PRKD1: variants seen among roughly 807,000 people sequenced by gnomAD.
PRKD1 encodes the protein serine/threonine-protein kinase D1.
In PRKD1, 63 loss-of-function variants were observed where a neutral mutation model predicts 95.9. That is an observed-to-expected ratio of 0.66 (90% CI 0.54 to 0.81). The LOEUF (loss-of-function observed/expected upper bound fraction) is 0.81, where lower values mean the gene tolerates loss of function less well. Among genes scored for constraint, PRKD1 ranks in the 30% least tolerant of loss-of-function variants. PRKD1 has a pLI of 0.00. For synonymous variants in PRKD1, 425 were observed against 423.1 expected, an observed-to-expected ratio of 1.00 and a Z score of -0.05; for missense variants, 1,048 against 1,165.3, an observed-to-expected ratio of 0.90 and a Z score of 1.47.
chr14:29,790,721 T>TA, intron 1 of PRKD1, among the ~76,000 whole-genome samples: 1 of 152,330 alleles, frequency 6.6e-6, no homozygotes, highest in East Asian at 1.9e-4. Flanking sequence ...ATAAAACTAT[T>TA]AGATTATGAC....
chr14:29,736,797 G>A (rs912090636), intron 1 of PRKD1, among the ~76,000 whole-genome samples: 1 of 152,146 alleles, frequency 6.6e-6, no homozygotes, highest in Non-Finnish European at 1.5e-5. Context: ...ACAATTTACT[G>A]TTACATTTCA....
At chr14:29,634,582 G>A in intron 7 of PRKD1, 41 bp from the exon 8 acceptor site, 1 of 1,611,282 alleles carries the variant, frequency 6.2e-7, no homozygotes, top group Non-Finnish European at 8.5e-7. Flanking sequence ...ATGTTTTCAG[G>A]TACATTTTAT....
rs79912617 is a variant in PRKD1 at position 29,688,238 on chromosome 14, C to G, written c.404-22030G>C. Among the ~76,000 whole-genome samples the G allele has an allele frequency of 6.4e-4, 97 of 152,278 alleles. 1 individual carries two copies. The highest frequency in any genetic ancestry group is 2.3e-3 in the African/African-American group (95 of 41,582). The stretch of plus-strand genomic sequence containing the variant: ...GCCTCCTGCCTCCACATTTAAGAAC[C>G]TTGTGATTACTTTGGGCCCACTAGG... On this transcript the variant is annotated intron_variant, in intron 2 of 17. Transcript: ENST00000331968.
intron 1 of PRKD1, among the ~76,000 whole-genome samples, chr14:29,778,793 C>T (rs910492077): frequency 2.6e-5 from 4 of 152,096 alleles, no homozygotes; most frequent in African/African-American, 9.7e-5. Flanking sequence ...TTTTATGAGG[C>T]CAGCATCATC....
intron 1 of PRKD1, among the ~76,000 whole-genome samples, chr14:29,814,073 T>C (rs932412118): frequency 2.0e-5 from 3 of 152,230 alleles, no homozygotes; most frequent in African/African-American, 7.2e-5. Context: ...AATTAATGAA[T>C]GGATATGTGC....
chr14:29,927,414 G>C lies in PRKD1; in HGVS notation c.99C>G (p.Pro33=). 6.7e-7 allele frequency: 1 copy of C among 1,485,134 alleles called. No individual in the cohort carries two copies. Among genetic ancestry groups the C allele is most frequent in the Non-Finnish European group, 8.9e-7 (1 of 1,118,260 alleles). 92.0% of individuals were successfully genotyped at this position (1,485,134 alleles called of 1,614,324 possible). The part of the protein sequence containing the change: ...AAAALVPGSG[P]GPAPFLAPVA... ...CAGGAGCCAAGAACGGCGCGGGCCCGGGCCCGGACCCTGGGACCAGTGCGG... is the reference window on the plus strand; with the variant it reads ...CAGGAGCCAAGAACGGCGCGGGCCCCGGCCCGGACCCTGGGACCAGTGCGG... The change falls in exon 1 of 18, where the codon CCC becomes CCG. Residue 33 remains proline, a synonymous_variant. Coordinates refer to ENST00000331968, the MANE Select transcript of PRKD1 (RefSeq NM_002742.3).
intron 1 of PRKD1, among the ~76,000 whole-genome samples, chr14:29,812,954 C>T (rs1398701710): frequency 6.6e-6 from 1 of 152,002 alleles, no homozygotes; most frequent in Non-Finnish European, 1.5e-5. Flanking sequence ...ACTAAAAATA[C>T]AAAAAATTAG....
chr14:29,708,536 T>A (rs915530399), intron 2 of PRKD1, among the ~76,000 whole-genome samples: 1 of 152,254 alleles, frequency 6.6e-6, no homozygotes, highest in Middle Eastern at 3.4e-3. Context: ...GGATCAAGCA[T>A]CCTCACAAGT....
intron 13 of PRKD1, among the ~76,000 whole-genome samples, chr14:29,604,531 C>T (rs1327408692): frequency 6.6e-6 from 1 of 152,078 alleles, no homozygotes; most frequent in African/African-American, 2.4e-5. Flanking sequence ...AAGAATATTC[C>T]ATCACACAAT....
chr14:29,833,317 T>G (rs995202891), intron 1 of PRKD1, among the ~76,000 whole-genome samples: 3 of 152,104 alleles, frequency 2.0e-5, no homozygotes, highest in Non-Finnish European at 2.9e-5. Context: ...TTATTTTCTT[T>G]CAATATAAGA....
intron 1 of PRKD1, among the ~76,000 whole-genome samples, chr14:29,816,430 CA>C (rs1890696969): frequency 1.3e-5 from 2 of 152,100 alleles, no homozygotes; most frequent in South Asian, 2.1e-4. Flanking sequence ...GAGATGATTT[CA>C]TTGTTTTTAA....
intron 6 of PRKD1, among the ~76,000 whole-genome samples, chr14:29,637,260 C>T (rs764384092): frequency 6.6e-6 from 1 of 152,104 alleles, no homozygotes; most frequent in African/African-American, 2.4e-5. Flanking sequence ...TTGAAAATCA[C>T]GAATTCCAAT....
intron 1 of PRKD1, among the ~76,000 whole-genome samples, chr14:29,800,629 T>C (rs1308761889): frequency 2.0e-5 from 3 of 152,168 alleles, no homozygotes; most frequent in Admixed American, 6.5e-5. Flanking sequence ...AAAAGTAAAA[T>C]TGTGAACACT....
chr14:29,885,557 T>A (rs917884272), intron 1 of PRKD1, among the ~76,000 whole-genome samples: 3 of 150,852 alleles, frequency 2.0e-5, no homozygotes, highest in Non-Finnish European at 1.5e-5. Flanking sequence ...ACAGCTTATT[T>A]AAAAAAAAAC....
At chr14:29,727,997 C>A (rs1172757628) in intron 1 of PRKD1, among the ~76,000 whole-genome samples, 2 of 147,556 alleles carry the variant, frequency 1.4e-5, no homozygotes, top group Non-Finnish European at 3.0e-5. Flanking sequence ...ACATCACACT[C>A]TGGGGACTGT....
chr14:29,715,396 T>C (rs1024811509), intron 2 of PRKD1, among the ~76,000 whole-genome samples: 1 of 152,100 alleles, frequency 6.6e-6, no homozygotes. Context: ...GAAATGTGGC[T>C]ATTGTGACTT....
chr14:29,715,895 T>C (rs1321518819), intron 2 of PRKD1, among the ~76,000 whole-genome samples: 2 of 152,166 alleles, frequency 1.3e-5, no homozygotes, highest in African/African-American at 4.8e-5. Context: ...CACATGCGTT[T>C]TAGAAGCCAA....
chr14:29,750,963 C>G (rs950973930), intron 1 of PRKD1, among the ~76,000 whole-genome samples: 1 of 152,108 alleles, frequency 6.6e-6, no homozygotes, highest in Non-Finnish European at 1.5e-5. Flanking sequence ...ATTTTACATC[C>G]ACTCCTCTTT....
intron 1 of PRKD1, among the ~76,000 whole-genome samples, chr14:29,733,460 G>A (rs747849173): frequency 2.7e-4 from 41 of 152,016 alleles, no homozygotes; most frequent in East Asian, 7.7e-4. Flanking sequence ...GCTATTAGTC[G>A]GTTCTCATGC....
Sources: gnomAD v4.1 joint callset for allele counts (sites outside exome capture counted in the v4.1 genomes callset) on GRCh38, gnomAD v4.1.1 for gene constraint, MANE v1.5 for transcripts, NCBI Gene and HGNC (gene_info 2026-07-23, HGNC 2026-07-21) for gene names.